RALGDS: variants seen among roughly 807,000 people sequenced by gnomAD.
RALGDS encodes ral guanine nucleotide dissociation stimulator, also known as ral guanine nucleotide exchange factor.
RALGDS carries 44 observed loss-of-function variants against 99.8 expected under a neutral mutation model. The ratio of observed to expected loss-of-function variants is 0.44; its 90% CI spans 0.35 to 0.57. The LOEUF is 0.57. Ranked by LOEUF, RALGDS falls within the 20% of genes least tolerant of loss-of-function variation. RALGDS has a pLI of 0.01. For synonymous variants in RALGDS, 529 were observed against 505.0 expected, an observed-to-expected ratio of 1.05 and a Z score of -0.64; for missense variants, 1,022 against 1,203.1, an observed-to-expected ratio of 0.85 and a Z score of 2.23.
At position 133,102,994 on chromosome 9, in the gene RALGDS, C is replaced by G. The variant is rs940616335; in HGVS notation, c.1792-94G>C. On this transcript the variant is annotated intron_variant, in intron 12 of 17. Coordinates refer to ENST00000372050, the MANE Select transcript of RALGDS (RefSeq NM_006266.4). ...CTTTGTTCTTGGGGTCCCTTCCTCC[C>G]CTCTACTCCCATCCAGGCCTTCCTG... The G allele has an allele frequency of 5.2e-5, 81 of 1,545,096 alleles. No individual in the cohort carries two copies. In the East Asian group the frequency reaches 1.7e-3, roughly 33 times the overall value.
At chr9:133,117,947 G>T (rs1277291998) in intron 1 of RALGDS, among the ~76,000 whole-genome samples, 1 of 152,222 alleles carries the variant, frequency 6.6e-6, no homozygotes. Context: ...CAATTTCCAG[G>T]TTAAGAATCA....
Position 133,108,314 on chromosome 9 carries a change from G to T in RALGDS, c.871C>A (p.Pro291Thr). 1 of 1,547,498 alleles carries T rather than the reference G, an allele frequency of 6.5e-7. No homozygotes were observed. ...RAPSPVPAPA[P>T]EPEPAPTPAP... ...GGTGTTGGAGCTGGCTCTGGCTCCG[G>T]GGCTGGAGCCGGCACTGGGCTGGGT... Residue 291 changes from proline to threonine, a missense_variant, in exon 6 of 18, where the codon CCG (proline) becomes ACG (threonine). By Grantham distance (38) the Pro-to-Thr change is conservative. Coordinates refer to ENST00000372050, the MANE Select transcript of RALGDS (RefSeq NM_006266.4).
chr9:133,137,978 A>C (rs1030282977), intron 1 of RALGDS, among the ~76,000 whole-genome samples: 4 of 152,166 alleles, frequency 2.6e-5, no homozygotes, highest in African/African-American at 9.7e-5. Flanking sequence ...GGGCCAGGGG[A>C]ACCAGGACAA....
intron 1 of RALGDS, chr9:133,128,988 G>A (rs1227175050): frequency 1.0e-6 from 1 of 988,534 alleles, no homozygotes. Context: ...CGAGATGGGA[G>A]ATGAAGACTC....
rs1026856324 is a variant in RALGDS, at chr9:133,098,631, G to A, written c.2701C>T (p.Arg901Cys). The change falls in exon 18 of 18, where the codon CGC becomes TGC. Residue 901 changes from arginine (R) to cysteine (C), a missense_variant. Around this residue, in one of 3 missense-constraint regions of RALGDS, gnomAD observed 825 missense variants for 994.5 expected, o/e 0.83. Transcript: ENST00000372050. Reference sequence around the variant, plus strand: ...ATCTTGAGTCCTTTCTGCTTCATGCGAGGGAGGGTGGAGCTGGCTCCGTGC... The same window carrying A: ...ATCTTGAGTCCTTTCTGCTTCATGCAAGGGAGGGTGGAGCTGGCTCCGTGC... ...VKHGASSTLPRMKQKGLKIAK... is the reference protein window; with the variant it reads ...VKHGASSTLPCMKQKGLKIAK... 3.1e-6 allele frequency: 5 copies of A among 1,614,076 alleles called. No individual in the cohort carries two copies. The highest frequency in any genetic ancestry group is 3.3e-5 in the Admixed American group (2 of 60,016).
rs571423101 is a variant in RALGDS, at chr9:133,138,643, CTTTG to C, written c.18+10316_18+10319del. ...TCACGGCTCCGGCCTGGGCCTGGTG[CTTTG>C]TTTGTTTGTTTATCTGAGACAGAGC... On this transcript the variant is annotated intron_variant, in intron 1 of 17. Transcript: ENST00000393160. 3.5e-3 allele frequency among the ~76,000 whole-genome samples: 537 copies of C among 152,292 alleles called. 3 individuals are homozygous for C. The highest frequency in any genetic ancestry group is 5.8e-3 in the Non-Finnish European group (392 of 68,014).
chr9:133,133,059 A>C (rs1832370709), upstream of RALGDS, among the ~76,000 whole-genome samples: 1 of 152,176 alleles, frequency 6.6e-6, no homozygotes, highest in Non-Finnish European at 1.5e-5. Context: ...CCCGGGTACC[A>C]GGCCCTCTGC....
In RALGDS at chr9:133,121,146, C is replaced by T; in HGVS notation, c.9G>A (p.Gln3=). 7.4e-7 allele frequency: 1 copy of T among 1,347,818 alleles called. No homozygotes were observed. Among genetic ancestry groups the T allele is most frequent in the Non-Finnish European group, 9.5e-7 (1 of 1,047,746 alleles). 83.5% of individuals were successfully genotyped at this position (1,347,818 alleles called of 1,614,324 possible). ...GCCCGGCCGCCTCGGCCCACATGCG[C>T]TGCACCATGGAAGGCTCGCAGCGCG... MV[Q]RMWAEAAGPA... Residue 3 remains glutamine, a synonymous_variant, in exon 1 of 18, where the codon CAG becomes CAA. Transcript: ENST00000372050.
intron 1 of RALGDS, among the ~76,000 whole-genome samples, chr9:133,128,884 G>A (rs1832245345): frequency 6.6e-6 from 1 of 152,192 alleles, no homozygotes; most frequent in African/African-American, 2.4e-5. Context: ...AGCCACCCTG[G>A]ACTGACCCGT....
chr9:133,136,268 G>A (rs188620453), intron 1 of RALGDS, among the ~76,000 whole-genome samples: 116 of 152,394 alleles, frequency 7.6e-4, no homozygotes, highest in Admixed American at 2.4e-3. Context: ...TGGGGCAGGA[G>A]CAGGTGCTAC....
intron 1 of RALGDS, among the ~76,000 whole-genome samples, chr9:133,127,264 C>T (rs985422875): frequency 1.4e-4 from 21 of 152,266 alleles, no homozygotes; most frequent in African/African-American, 4.8e-4. Flanking sequence ...GCCGGACACA[C>T]AGCAGTTCAG....
chr9:133,133,937 C>A (rs953189259), upstream of RALGDS, among the ~76,000 whole-genome samples: 4 of 152,298 alleles, frequency 2.6e-5, no homozygotes, highest in East Asian at 5.8e-4. Flanking sequence ...TGACTCCTCG[C>A]GAAGCTGTTT....
chr9:133,106,695 C>T lies in RALGDS; in HGVS notation c.1467G>A (p.Leu489=), dbSNP rs149171819. The stretch of plus-strand genomic sequence containing the variant: ...TCAGACGGTGGATGGAGTTGCTCTG[C>T]AGGGCAGAGAGGATGGCATACAGTG... ...FSSLYAILSA[L]QSNSIHRLKK... Residue 489 remains leucine, a synonymous_variant, in exon 8 of 18, where the codon CTG becomes CTA. Transcript: ENST00000372050. 2 of 1,612,806 alleles carry T rather than the reference C, an allele frequency of 1.2e-6. No homozygotes were observed. The highest frequency in any genetic ancestry group is 4.5e-5 in the East Asian group (2 of 44,876).
chr9:133,148,005 T>A (rs1408827024), intron 1 of RALGDS, among the ~76,000 whole-genome samples: 1 of 152,120 alleles, frequency 6.6e-6, no homozygotes, highest in Non-Finnish European at 1.5e-5. Flanking sequence ...ACAAGAGTTG[T>A]CCAGTGCTTG....
intron 1 of RALGDS, among the ~76,000 whole-genome samples, chr9:133,142,923 G>A (rs1297721749): frequency 6.6e-6 from 1 of 152,204 alleles, no homozygotes; most frequent in Non-Finnish European, 1.5e-5. Context: ...GTGTGCACAC[G>A]GGGAGGCGCC....
upstream of RALGDS, among the ~76,000 whole-genome samples, chr9:133,123,357 G>A (rs1231278511): frequency 1.3e-5 from 2 of 152,218 alleles, no homozygotes; most frequent in African/African-American, 4.8e-5. Flanking sequence ...AGAAGGACAA[G>A]TGACTCATGA....
At chr9:133,121,426 CAA>C (rs1238061045), upstream of RALGDS, among the ~76,000 whole-genome samples, 1 of 150,372 alleles carries the variant, frequency 6.7e-6, no homozygotes, top group Non-Finnish European at 1.5e-5. Context: ...GGGGTCTGAA[CAA>C]AGAGGGCGGG....
rs1476015825 is a variant in RALGDS at position 133,100,664 on chromosome 9, A to T, written c.2455-282T>A. Reference sequence around the variant, plus strand: ...CTGTAAGAGACTGTTCCCTCCTCCCACACTTCCTTGAGAAGCACTTGCCCC... The same window carrying T: ...CTGTAAGAGACTGTTCCCTCCTCCCTCACTTCCTTGAGAAGCACTTGCCCC... On this transcript the variant is annotated intron_variant, in intron 16 of 17. Transcript: ENST00000372050. The T allele has an allele frequency of 3.8e-6, 5 of 1,317,958 alleles. No homozygotes were observed. In the Admixed American group the frequency reaches 9.6e-5, roughly 25 times the overall value. The allele number at this position is 1,317,958 out of a possible 1,614,324, so 81.6% of individuals were successfully genotyped here. A position where few individuals can be genotyped will look rare whatever the true frequency, so the allele number is the denominator to read the frequency against.
chr9:133,132,108 C>T (rs1363961432), upstream of RALGDS, among the ~76,000 whole-genome samples: 2 of 152,230 alleles, frequency 1.3e-5, no homozygotes. Context: ...CCGGGGTCTG[C>T]CCAGTGCTCA....
Sources: gnomAD v4.1 joint callset for allele counts (sites outside exome capture counted in the v4.1 genomes callset) on GRCh38, gnomAD v4.1.1 for gene constraint, gnomAD v4.1.1 regional missense constraint, MANE v1.5 for transcripts, NCBI Gene and HGNC (gene_info 2026-07-23, HGNC 2026-07-21) for gene names.